Variants in IFI16 observed in about 807,000 individuals in gnomAD.
IFI16 encodes interferon gamma inducible protein 16, also known as gamma-interferon-inducible protein 16.
In IFI16, 49 loss-of-function variants were observed where a neutral mutation model predicts 68.4. The ratio of observed to expected loss-of-function variants is 0.72; its 90% CI spans 0.57 to 0.91. The LOEUF is 0.91. Among genes scored for constraint, IFI16 ranks in the 40% least tolerant of loss-of-function variants. The pLI is 0.00. For synonymous variants in IFI16, 307 were observed against 315.0 expected (o/e 0.97, Z 0.27); for missense variants, 878 against 942.9 (o/e 0.93, Z 0.90).
intron 6 of IFI16, among the ~76,000 whole-genome samples, chr1:159,030,426 A>G (rs557162316): frequency 1.3e-5 from 2 of 152,244 alleles, no homozygotes; most frequent in South Asian, 2.1e-4. Flanking sequence ...TGGGTACACT[A>G]TATCAGAGGA....
chr1:159,048,757 G>A lies in IFI16; in HGVS notation c.1498-675G>A, dbSNP rs536250352. On this transcript the variant is annotated intron_variant, in intron 8 of 11. Coordinates refer to ENST00000295809, the MANE Select transcript of IFI16 (RefSeq NM_001376587.1). ...TTGGACTTCCATTAGTTTAATTAAA[G>A]GTAGTCAAGGTATGTGATTTTAGAG... 2.6e-5 allele frequency among the ~76,000 whole-genome samples: 4 copies of A among 151,638 alleles called. No individual in the cohort carries two copies. In the East Asian group the frequency reaches 7.7e-4, roughly 29 times the overall value.
chr1:159,015,138 G>A (rs1652842514), intron 2 of IFI16, among the ~76,000 whole-genome samples, 193 bp downstream of exon 2: 1 of 152,120 alleles, frequency 6.6e-6, no homozygotes, highest in African/African-American at 2.4e-5. Context: ...GTAGATTGAA[G>A]TATTTCAGAA....
chr1:159,001,334 G>A (rs1466600073), upstream of IFI16, among the ~76,000 whole-genome samples: 1 of 152,212 alleles, frequency 6.6e-6, no homozygotes, highest in Middle Eastern at 3.2e-3. Context: ...ATGTTTATGA[G>A]CTGAAGATAA....
In IFI16 at chr1:159,045,432, C is replaced by T; in HGVS notation, c.1465C>T (p.Pro489Ser). Residue 489 changes from proline to serine, a missense_variant, in exon 8 of 12, where the codon CCA becomes TCA. Transcript: ENST00000295809. ...ESHPHTPQMP[P>S]STPSSSFLTT... Reference sequence around the variant, plus strand: ...CCATCCCCACACTCCTCAGATGCCTCCATCAACACCAAGCAGCAGTTTCTT... The same window carrying T: ...CCATCCCCACACTCCTCAGATGCCTTCATCAACACCAAGCAGCAGTTTCTT... 6.3e-7 allele frequency: 1 copy of T among 1,584,886 alleles called. No homozygotes were observed. The highest frequency in any genetic ancestry group is 1.4e-5 in the African/African-American group (1 of 73,734).
At position 159,053,657 on chromosome 1, in the gene IFI16, G is replaced by A; in HGVS notation, c.2210G>A (p.Cys737Tyr). The A allele has an allele frequency of 6.2e-7, 1 of 1,614,020 alleles. No individual in the cohort carries two copies. The highest frequency in any genetic ancestry group is 8.5e-7 in the Non-Finnish European group (1 of 1,179,888). Residue 737 changes from cysteine (C) to tyrosine (Y), a missense_variant, in exon 11 of 12, where the codon TGC becomes TAC. Cys to Tyr is a radical substitution (Grantham distance 194). This residue lies in a region of IFI16 where 311 missense variants were observed against 305.1 expected (regional missense o/e 1.02). Transcript: ENST00000295809. ...CEEGDKLKLTCFELAPKSGNT... is the reference protein window; with the variant it reads ...CEEGDKLKLTYFELAPKSGNT... ...GAAGGAGATAAACTGAAACTCACCT[G>A]CTTTGAATTGGCACCGAAAAGTGGG... is the stretch of plus-strand genomic sequence containing the variant.
At chr1:159,005,396 C>T (rs978494733), upstream of IFI16, among the ~76,000 whole-genome samples, 1 of 152,180 alleles carries the variant, frequency 6.6e-6, no homozygotes, top group Non-Finnish European at 1.5e-5. Context: ...ATGATGCCAA[C>T]TCTGGCCTTG....
chr1:159,017,900 G>A (rs964346423), intron 4 of IFI16, among the ~76,000 whole-genome samples: 3 of 152,170 alleles, frequency 2.0e-5, no homozygotes, highest in Non-Finnish European at 2.9e-5. Flanking sequence ...GAGCCACCGC[G>A]CCTGGCCCTA....
At chr1:159,046,573 T>C (rs942644174) in intron 8 of IFI16, among the ~76,000 whole-genome samples, 2 of 151,332 alleles carry the variant, frequency 1.3e-5, no homozygotes, top group Non-Finnish European at 3.0e-5. Context: ...ATGTTCATCC[T>C]CTACATTCCA....
rs1655378721 is a variant in IFI16 at position 159,051,826 on chromosome 1, G to A, written c.1813G>A (p.Ala605Thr). 6.2e-7 allele frequency: 1 copy of A among 1,614,142 alleles called. No individual in the cohort carries two copies. The highest frequency in any genetic ancestry group is 1.3e-5 in the African/African-American group (1 of 75,056). ...EQKKMFHATV[A>T]TENEVFRVKV... ...GAAGAAAATGTTTCATGCCACAGTG[G>A]CAACTGAGAATGAAGTCTTCCGAGT... The change falls in exon 10 of 12, where the codon GCA becomes ACA. Residue 605 changes from alanine (A) to threonine (T), a missense_variant. Ala to Thr is a moderately conservative substitution (Grantham distance 58, BLOSUM62 0). Transcript: ENST00000295809.
intron 6 of IFI16, among the ~76,000 whole-genome samples, chr1:159,027,095 T>A (rs1653717448): frequency 6.6e-6 from 1 of 152,232 alleles, no homozygotes; most frequent in Admixed American, 6.5e-5. Flanking sequence ...GGCATCCTTG[T>A]CTTGTTCCAG....
chr1:159,044,588 G>C (rs1050401007), intron 7 of IFI16, among the ~76,000 whole-genome samples: 1 of 152,134 alleles, frequency 6.6e-6, no homozygotes, highest in Non-Finnish European at 1.5e-5. Flanking sequence ...CAAATAGGAT[G>C]AATATTTTTT....
At chr1:159,003,990 C>T (rs535958659), upstream of IFI16, among the ~76,000 whole-genome samples, 4 of 152,248 alleles carry the variant, frequency 2.6e-5, no homozygotes, top group South Asian at 4.1e-4. Flanking sequence ...TTCTGACACT[C>T]ATGACTTGAT....
rs182020914 is a variant in IFI16, at chr1:159,017,855, G to A, written c.550-374G>A. 6.9e-4 allele frequency among the ~76,000 whole-genome samples: 105 copies of A among 152,272 alleles called. 1 individual carries two copies. The highest frequency in any genetic ancestry group is 1.8e-3 in the African/African-American group (75 of 41,542). On this transcript the variant is annotated intron_variant, in intron 4 of 11. Transcript: ENST00000295809. ...ACTCCTGATCTCAGGTGATCCACCCGCCTCGGCGTTTCAAAGTGCTGAGAT... is the reference window on the plus strand; with the variant it reads ...ACTCCTGATCTCAGGTGATCCACCCACCTCGGCGTTTCAAAGTGCTGAGAT...
At position 159,048,324 on chromosome 1, in the gene IFI16, C is replaced by T. The variant is rs904478656; in HGVS notation, c.1498-1108C>T. On this transcript the variant is annotated intron_variant, in intron 8 of 11. Coordinates refer to ENST00000295809, the MANE Select transcript of IFI16 (RefSeq NM_001376587.1). ...TTCTTTATAACACCATACAAAAATGCTATGGCTAGTCCCACTTCACATGTG... is the reference window on the plus strand; with the variant it reads ...TTCTTTATAACACCATACAAAAATGTTATGGCTAGTCCCACTTCACATGTG... Among the ~76,000 whole-genome samples, 8 of 151,596 alleles carry T rather than the reference C, an allele frequency of 5.3e-5. 1 individual carries two copies. Among genetic ancestry groups the T allele is most frequent in the Admixed American group, 4.6e-4 (7 of 15,164 alleles).
In IFI16 at chr1:159,021,981, T is replaced by G. The variant is rs569996008; in HGVS notation, c.1161+1452T>G. Reference sequence around the variant, plus strand: ...TTTTTTTTTTTTTTTTTTTTTTTTTTGAGACAGAGTCTTGCTCTTTTGCCC... The same window carrying G: ...TTTTTTTTTTTTTTTTTTTTTTTTTGGAGACAGAGTCTTGCTCTTTTGCCC... On this transcript the variant is annotated intron_variant, in intron 6 of 11. Transcript: ENST00000295809. Among the ~76,000 whole-genome samples the G allele has an allele frequency of 5.6e-4, 50 of 89,888 alleles. 2 individuals carry two copies. The South Asian group carries it at 0.02, about 37-fold the overall frequency. 59.0% of individuals were successfully genotyped at this position (89,888 alleles called of 152,430 possible). A position where few individuals can be genotyped will look rare whatever the true frequency, so the allele number is the denominator to read the frequency against.
rs549204454 is a variant in IFI16 at position 159,041,727 on chromosome 1, A to C, written c.1330-3570A>C. Among the ~76,000 whole-genome samples, 9 of 152,246 alleles carry C rather than the reference A, an allele frequency of 5.9e-5. No homozygotes were observed. In the South Asian group the frequency reaches 1.9e-3, roughly 32 times the overall value. On this transcript the variant is annotated intron_variant, in intron 7 of 11. Coordinates refer to ENST00000295809, the MANE Select transcript of IFI16 (RefSeq NM_001376587.1). ...TGACCATTTCAGACTGAAGACTATA[A>C]TCCTGGTCCTGTGTAGGCTGAAATG... is the stretch of plus-strand genomic sequence containing the variant.
At chr1:159,019,261 C>CAACA (rs752468179) in intron 5 of IFI16, among the ~76,000 whole-genome samples, 4,574 of 142,474 alleles carry the variant, frequency 0.032, 234 homozygotes, top group African/African-American at 0.11. Flanking sequence ...ATATAAATAA[C>CAACA]AAAAAAAAAA....
chr1:159,050,112 C>T (rs1041750518), intron 9 of IFI16, among the ~76,000 whole-genome samples: 8 of 152,196 alleles, frequency 5.3e-5, no homozygotes, highest in Non-Finnish European at 7.3e-5. Context: ...GTCTTATTTT[C>T]TCTCAGAGTA....
At chr1:159,038,492 G>A (rs1332529360) in intron 7 of IFI16, among the ~76,000 whole-genome samples, 1 of 152,102 alleles carries the variant, frequency 6.6e-6, no homozygotes, top group African/African-American at 2.4e-5. Flanking sequence ...AGCCTCTCAA[G>A]TAGATGGGAC....
Sources: gnomAD v4.1 joint callset for allele counts (sites outside exome capture counted in the v4.1 genomes callset) on GRCh38, gnomAD v4.1.1 for gene constraint, gnomAD v4.1.1 regional missense constraint, MANE v1.5 for transcripts, NCBI Gene and HGNC (gene_info 2026-07-23, HGNC 2026-07-21) for gene names.